The following ERC2 variants were observed in gnomAD, a reference collection of about 807,000 sequenced individuals.
ERC2 encodes the protein ELKS/RAB6-interacting/CAST family member 2.
A neutral mutation model predicts 114.8 loss-of-function variants in ERC2; 42 were observed. The observed-to-expected ratio is 0.37, with a 90% CI of 0.29 to 0.47. ERC2 has a LOEUF of 0.47. ERC2 is among the 20% of genes least tolerant of loss of function. The probability of loss-of-function intolerance (pLI) is 0.99; values close to 1 mark genes in which losing one functional copy is unlikely to be tolerated. For missense variants in ERC2, 939 were observed against 1,150.7 expected (o/e 0.82, Z 2.66); for synonymous variants, 454 against 425.5 (o/e 1.07, Z -0.82).
intron 3 of ERC2, among the ~76,000 whole-genome samples, chr3:56,218,586 C>T (rs1197151305): frequency 7.2e-5 from 11 of 152,110 alleles, no homozygotes; most frequent in African/African-American, 2.4e-4. Flanking sequence ...GAGTGGCAAT[C>T]CCTCAGGGAT....
In ERC2 at chr3:56,319,312, A is replaced by G. The variant is rs1408469557; in HGVS notation, c.658-22877T>C. 3.3e-5 allele frequency among the ~76,000 whole-genome samples: 5 copies of G among 152,118 alleles called. No homozygotes were observed. In the East Asian group the frequency reaches 9.7e-4, roughly 29 times the overall value. On this transcript the variant is annotated intron_variant, in intron 2 of 17. Transcript: ENST00000288221. ...ACAACAGAATATTATTCAGCCTTAA[A>G]AAAAAAAAAGAAAATTCTGCCATAT... is the stretch of plus-strand genomic sequence containing the variant.
intron 1 of ERC2, among the ~76,000 whole-genome samples, chr3:56,440,298 C>T (rs2062228333): frequency 6.6e-6 from 1 of 152,134 alleles, no homozygotes; most frequent in Non-Finnish European, 1.5e-5. Flanking sequence ...AATCCCAGCA[C>T]TTTGGGAGGC....
intron 3 of ERC2, among the ~76,000 whole-genome samples, chr3:56,220,016 A>G (rs1456111729): frequency 2.0e-5 from 3 of 152,240 alleles, no homozygotes; most frequent in African/African-American, 7.2e-5. Context: ...GTTGTCTACA[A>G]TAGTTATCAT....
At chr3:56,205,549 G>A (rs777013543) in intron 3 of ERC2, among the ~76,000 whole-genome samples, 7 of 152,116 alleles carry the variant, frequency 4.6e-5, no homozygotes, top group Non-Finnish European at 1.0e-4. Context: ...CTTTTACAAT[G>A]TTGATTCTTG....
chr3:55,642,195 C>CAT (rs112671031), intron 17 of ERC2, among the ~76,000 whole-genome samples: 3,162 of 152,270 alleles, frequency 0.021, 44 homozygotes, highest in Middle Eastern at 0.068. Flanking sequence ...GAGGAAAAGC[C>CAT]ATATCCCACT....
intron 13 of ERC2, among the ~76,000 whole-genome samples, chr3:55,922,702 AC>A (rs2065498197): frequency 6.6e-6 from 1 of 152,126 alleles, no homozygotes. Context: ...CCCAGCTGAA[AC>A]TGCATCTGTC....
Position 55,664,162 on chromosome 3 carries a change from C to T in ERC2, c.*39+19632G>A, listed in dbSNP as rs1229593384. ...GTCAAGCCTTTTATTTTTTTCCCCC[C>T]TCTAAATCTGATAACCCTACCTGGG... On this transcript the variant is annotated intron_variant, in intron 17 of 17. Coordinates refer to ENST00000288221, the MANE Select transcript of ERC2 (RefSeq NM_015576.3). 9.9e-5 allele frequency among the ~76,000 whole-genome samples: 15 copies of T among 152,188 alleles called. 1 individual carries two copies. Among genetic ancestry groups the T allele is most frequent in the African/African-American group, 3.4e-4 (14 of 41,534 alleles).
chr3:56,368,579 C>T (rs1413575706), intron 2 of ERC2, among the ~76,000 whole-genome samples: 1 of 152,158 alleles, frequency 6.6e-6, no homozygotes, highest in African/African-American at 2.4e-5. Flanking sequence ...TATGGCCATG[C>T]AATCCACTCC....
intron 7 of ERC2, among the ~76,000 whole-genome samples, chr3:56,056,886 T>A (rs1408788095): frequency 6.6e-6 from 1 of 152,172 alleles, no homozygotes; most frequent in African/African-American, 2.4e-5. Context: ...ACTGAGCTCT[T>A]TTCACTCATT....
chr3:56,252,662 CAGG>C (rs1312792388), intron 3 of ERC2, among the ~76,000 whole-genome samples: 1 of 145,796 alleles, frequency 6.9e-6, no homozygotes. Flanking sequence ...GAGGCTGAGG[CAGG>C]AGAATTGCTT....
intron 14 of ERC2, among the ~76,000 whole-genome samples, chr3:55,823,600 A>C (rs944773020): frequency 6.6e-6 from 1 of 152,242 alleles, no homozygotes; most frequent in Admixed American, 6.5e-5. Flanking sequence ...GACCTGGCCT[A>C]CTGGAATTGA....
chr3:56,015,850 C>T (rs7431125), intron 8 of ERC2, among the ~76,000 whole-genome samples: 2,898 of 152,274 alleles, frequency 0.019, 96 homozygotes, highest in African/African-American at 0.066. Flanking sequence ...CCTTTTTCTG[C>T]CCAGCCTCAC....
intron 14 of ERC2, among the ~76,000 whole-genome samples, chr3:55,805,837 T>G (rs1349397473): frequency 6.6e-6 from 1 of 152,168 alleles, no homozygotes; most frequent in East Asian, 1.9e-4. Flanking sequence ...TTCAGATGCC[T>G]GTAATTAAAC....
At chr3:55,867,935 T>C (rs886737009) in intron 14 of ERC2, among the ~76,000 whole-genome samples, 14 of 152,196 alleles carry the variant, frequency 9.2e-5, no homozygotes, top group African/African-American at 3.4e-4. Context: ...TGGATAATCA[T>C]AAAACAATGA....
At chr3:55,931,008 T>C (rs1044957229) in intron 13 of ERC2, among the ~76,000 whole-genome samples, 1 of 152,186 alleles carries the variant, frequency 6.6e-6, no homozygotes, top group Non-Finnish European at 1.5e-5. Flanking sequence ...AAAAGGCTTA[T>C]CATCACTGGT....
At chr3:55,533,127 G>A (rs558872963) in intron 17 of ERC2, among the ~76,000 whole-genome samples, 6 of 152,312 alleles carry the variant, frequency 3.9e-5, no homozygotes, top group African/African-American at 1.2e-4. Flanking sequence ...TATGCTTCTC[G>A]CCTAAGGGAT....
At chr3:56,217,231 C>T (rs1192197614) in intron 3 of ERC2, among the ~76,000 whole-genome samples, 1 of 152,134 alleles carries the variant, frequency 6.6e-6, no homozygotes, top group Non-Finnish European at 1.5e-5. Flanking sequence ...GATTGTATAT[C>T]TAGAAAACCC....
At chr3:55,826,403 C>A (rs2060328723) in intron 14 of ERC2, among the ~76,000 whole-genome samples, 1 of 152,160 alleles carries the variant, frequency 6.6e-6, no homozygotes, top group Non-Finnish European at 1.5e-5. Flanking sequence ...AATCTGGACT[C>A]AGAATACCTT....
At chr3:56,389,426 C>G (rs1204442044) in intron 2 of ERC2, among the ~76,000 whole-genome samples, 1 of 152,034 alleles carries the variant, frequency 6.6e-6, no homozygotes, top group Non-Finnish European at 1.5e-5. Flanking sequence ...GAGTTACATG[C>G]GAAATACTGT....
Sources: gnomAD v4.1 joint callset for allele counts (sites outside exome capture counted in the v4.1 genomes callset) on GRCh38, gnomAD v4.1.1 for gene constraint, MANE v1.5 for transcripts, NCBI Gene and HGNC (gene_info 2026-07-23, HGNC 2026-07-21) for gene names.